C12orf42: variants seen among roughly 807,000 people sequenced by gnomAD.
The protein encoded by C12orf42 is uncharacterized protein C12orf42.
C12orf42 carries 25 observed loss-of-function variants against 21.6 expected under a neutral mutation model. The ratio of observed to expected loss-of-function variants is 1.16; its 90% confidence interval spans 0.84 to 1.62. The LOEUF is 1.62. Among genes scored for constraint, C12orf42 ranks in the 40% most tolerant of loss-of-function variants. The pLI is 0.00. For missense variants in C12orf42, 483 were observed against 459.3 expected (o/e 1.05, Z -0.47); for synonymous variants, 174 against 175.0 (o/e 0.99, Z 0.05).
intron 4 of C12orf42, among the ~76,000 whole-genome samples, chr12:103,327,430 T>A (rs913485347): frequency 6.6e-6 from 1 of 152,214 alleles, no homozygotes; most frequent in Admixed American, 6.5e-5. Flanking sequence ...AATAATAGAC[T>A]GATTTATATC....
downstream of C12orf42, among the ~76,000 whole-genome samples, chr12:103,298,596 A>G (rs1287779847): frequency 6.6e-6 from 1 of 152,202 alleles, no homozygotes; most frequent in Non-Finnish European, 1.5e-5. Context: ...ACAGAATTGG[A>G]AAAAACTACC....
At chr12:103,240,007 G>A (rs1331865724) in intron 10 of C12orf42, among the ~76,000 whole-genome samples, 1 of 152,068 alleles carries the variant, frequency 6.6e-6, no homozygotes, top group Non-Finnish European at 1.5e-5. Context: ...AACAATTATA[G>A]AACTTCTACT....
At chr12:103,458,501 G>A (rs964705319) in intron 2 of C12orf42, among the ~76,000 whole-genome samples, 11 of 151,946 alleles carry the variant, frequency 7.2e-5, no homozygotes, top group African/African-American at 2.2e-4. Flanking sequence ...TCTCTGCATC[G>A]CATCCCCACT....
At chr12:103,251,793 G>A (rs974157767) in intron 10 of C12orf42, among the ~76,000 whole-genome samples, 2 of 152,014 alleles carry the variant, frequency 1.3e-5, no homozygotes, top group Non-Finnish European at 2.9e-5. Context: ...ATTGTTTATT[G>A]CTACGCACTG....
chr12:103,544,471 G>A, the C12orf42 span, among the ~76,000 whole-genome samples: 5 of 152,130 alleles, frequency 3.3e-5, no homozygotes, highest in South Asian at 2.1e-4. Context: ...TGACTATGAC[G>A]TTTCCAGGTG....
intron 4 of C12orf42, among the ~76,000 whole-genome samples, chr12:103,356,486 C>T (rs956934615): frequency 2.6e-5 from 4 of 152,022 alleles, no homozygotes; most frequent in Admixed American, 6.6e-5. Context: ...AATAAACATA[C>T]GTGTCCATGT....
At chr12:103,452,302 C>G (rs1951999544) in intron 2 of C12orf42, among the ~76,000 whole-genome samples, 1 of 152,046 alleles carries the variant, frequency 6.6e-6, no homozygotes, top group African/African-American at 2.4e-5. Context: ...GAGGCACAGG[C>G]TGACCACTAG....
At chr12:103,198,725 C>T in the C12orf42 span, among the ~76,000 whole-genome samples, 2 of 152,214 alleles carry the variant, frequency 1.3e-5, no homozygotes, top group Non-Finnish European at 2.9e-5. Context: ...TCACCCCTTC[C>T]CTGAGATTTG....
At chr12:103,350,126 A>C (rs2042985239) in intron 4 of C12orf42, among the ~76,000 whole-genome samples, 1 of 152,204 alleles carries the variant, frequency 6.6e-6, no homozygotes, top group Non-Finnish European at 1.5e-5. Flanking sequence ...TTATTTCTTC[A>C]TATACAGAAG....
the C12orf42 span, among the ~76,000 whole-genome samples, chr12:103,214,972 C>T: frequency 6.6e-6 from 1 of 152,170 alleles, no homozygotes; most frequent in Non-Finnish European, 1.5e-5. Flanking sequence ...AATAAATCTA[C>T]TATGCAACAT....
chr12:103,408,242 A>G (rs2048570186), intron 2 of C12orf42, among the ~76,000 whole-genome samples: 1 of 152,200 alleles, frequency 6.6e-6, no homozygotes, highest in African/African-American at 2.4e-5. Context: ...CTGTGGGTGT[A>G]GTACACACCA....
chr12:103,282,767 C>A (rs971126791), intron 4 of C12orf42, among the ~76,000 whole-genome samples: 1 of 152,202 alleles, frequency 6.6e-6, no homozygotes, highest in African/African-American at 2.4e-5. Context: ...AAGGTCAACA[C>A]CTGCTACTGC....
chr12:103,385,925 G>T (rs1171499902), intron 3 of C12orf42, among the ~76,000 whole-genome samples: 1 of 152,122 alleles, frequency 6.6e-6, no homozygotes, highest in African/African-American at 2.4e-5. Flanking sequence ...ATAGCATGCT[G>T]ATCACTGTGA....
chr12:103,297,648 CA>C (rs1236032682), downstream of C12orf42, among the ~76,000 whole-genome samples: 2 of 151,510 alleles, frequency 1.3e-5, no homozygotes, highest in Non-Finnish European at 2.9e-5. Flanking sequence ...AGAGACACAA[CA>C]AAAAAAGAGA....
intron 4 of C12orf42, among the ~76,000 whole-genome samples, chr12:103,353,394 G>A (rs1008315248): frequency 2.0e-5 from 3 of 152,048 alleles, no homozygotes; most frequent in African/African-American, 7.2e-5. Context: ...AGCATGCTAA[G>A]GAAGATAGTT....
At chr12:103,321,927 A>C (rs2040173245) in intron 4 of C12orf42, among the ~76,000 whole-genome samples, 1 of 152,230 alleles carries the variant, frequency 6.6e-6, no homozygotes, top group East Asian at 1.9e-4. Context: ...ATGAGGAGTT[A>C]GTGGGTGCAG....
At chr12:103,206,189 A>G in the C12orf42 span, among the ~76,000 whole-genome samples, 1 of 152,224 alleles carries the variant, frequency 6.6e-6, no homozygotes, top group Admixed American at 6.5e-5. Flanking sequence ...AGCCCAAATC[A>G]AAGAACCTAT....
At chr12:103,301,564 G>C (rs1176104834), downstream of C12orf42, among the ~76,000 whole-genome samples, 1 of 152,114 alleles carries the variant, frequency 6.6e-6, no homozygotes, top group Admixed American at 6.5e-5. Flanking sequence ...AAGTGTTTCA[G>C]GGCCTCAAAC....
intron 5 of C12orf42, among the ~76,000 whole-genome samples, chr12:103,271,300 T>C (rs1353952205): frequency 6.6e-6 from 1 of 152,148 alleles, no homozygotes; most frequent in Non-Finnish European, 1.5e-5. Flanking sequence ...CACTATGAAA[T>C]AATTGTCTTT....
Sources: gnomAD v4.1 joint callset for allele counts (sites outside exome capture counted in the v4.1 genomes callset) on GRCh38, gnomAD v4.1.1 for gene constraint, MANE v1.5 for transcripts, NCBI Gene and HGNC (gene_info 2026-07-23, HGNC 2026-07-21) for gene names.